The following DPRX variants were observed in gnomAD, a reference collection of about 807,000 sequenced individuals.
DPRX encodes divergent paired-related homeobox.
DPRX carries 11 observed loss-of-function variants against 8.4 expected under a neutral mutation model. The observed-to-expected ratio is 1.31, with a 90% confidence interval of 0.82 to 2.17. DPRX has a LOEUF of 2.17. Ranked by LOEUF, DPRX falls within the 30% of genes most tolerant of loss-of-function variation. The pLI, the probability that DPRX is intolerant of heterozygous loss-of-function variation, is 0.00. For missense variants in DPRX, 211 were observed against 236.7 expected, an observed-to-expected ratio of 0.89 and a Z score of 0.71; for synonymous variants, 72 against 87.0, an observed-to-expected ratio of 0.83 and a Z score of 0.96.
At chr19:53,624,064 C>A in the DPRX span, among the ~76,000 whole-genome samples, 2 of 147,902 alleles carry the variant, frequency 1.4e-5, no homozygotes, top group East Asian at 3.9e-4. Context: ...CATATTAATG[C>A]ACTGATTGTT....
At chr19:53,608,183 T>G in the DPRX span, 1 of 114,804 alleles carries the variant, frequency 8.7e-6, no homozygotes, top group Non-Finnish European at 1.8e-5. Context: ...AAAAAAAAAG[T>G]AAATAAATAA....
At chr19:53,632,257 G>A (rs2091095453) in intron 1 of DPRX, 123 bp downstream of exon 1, 2 of 1,208,516 alleles carry the variant, frequency 1.7e-6, no homozygotes, top group Non-Finnish European at 2.4e-6. Flanking sequence ...GGGTGGCAGG[G>A]ACTTCCCACA....
At chr19:53,626,225 A>G in the DPRX span, among the ~76,000 whole-genome samples, 1 of 151,916 alleles carries the variant, frequency 6.6e-6, no homozygotes, top group Admixed American at 6.6e-5. Flanking sequence ...GACGTGAGCC[A>G]CCGTGACTGG....
At chr19:53,627,929 G>A (rs1600567812), upstream of DPRX, among the ~76,000 whole-genome samples, 1 of 151,876 alleles carries the variant, frequency 6.6e-6, no homozygotes, top group African/African-American at 2.4e-5. Context: ...TTATTTAGGA[G>A]GCTGAGGCAG....
the DPRX span, among the ~76,000 whole-genome samples, chr19:53,621,533 C>T: frequency 5.9e-5 from 9 of 152,096 alleles, no homozygotes; most frequent in Admixed American, 3.9e-4. Flanking sequence ...TGGTGGCTCA[C>T]GTCTATAATC....
chr19:53,624,412 G>A, the DPRX span, among the ~76,000 whole-genome samples: 1 of 143,426 alleles, frequency 7.0e-6, no homozygotes, highest in East Asian at 2.2e-4. Flanking sequence ...TTTGTTTTTT[G>A]TTTTTTTTGA....
chr19:53,601,542 C>T, the DPRX span, among the ~76,000 whole-genome samples: 16 of 146,880 alleles, frequency 1.1e-4, no homozygotes, highest in East Asian at 1.8e-3. Flanking sequence ...AGTGCAGTGG[C>T]GCGATCTCAG....
chr19:53,630,726 T>G (rs1360535471), upstream of DPRX, among the ~76,000 whole-genome samples: 3 of 151,924 alleles, frequency 2.0e-5, no homozygotes, highest in Admixed American at 2.0e-4. Flanking sequence ...GAACTGAGAT[T>G]CAAATGGATG....
the DPRX span, among the ~76,000 whole-genome samples, chr19:53,602,415 A>G: frequency 1.0e-4 from 15 of 150,460 alleles, no homozygotes; most frequent in Non-Finnish European, 4.4e-5. Context: ...GATGGAGTGC[A>G]GTGGCACAAT....
At chr19:53,617,205 A>C in the DPRX span, 5 of 888,398 alleles carry the variant, frequency 5.6e-6, no homozygotes, top group Admixed American at 8.5e-5. Flanking sequence ...AGTTTTTTTC[A>C]CGGCTAGAGT....
At chr19:53,606,241 C>T in the DPRX span, 2 of 152,282 alleles carry the variant, frequency 1.3e-5, no homozygotes, top group South Asian at 2.1e-4. The surrounding 1 kb of genome is among the most constrained non-coding windows in gnomAD (Gnocchi z 4.8). Flanking sequence ...GACTAGAGCA[C>T]GCGAGGCGTG....
chr19:53,615,989 ACCCCTGTAAT>A, the DPRX span, among the ~76,000 whole-genome samples: 3 of 152,110 alleles, frequency 2.0e-5, no homozygotes, highest in East Asian at 5.8e-4. Flanking sequence ...GTGGTGGCTC[ACCCCTGTAAT>A]CCCAGCACTT....
At chr19:53,632,305 G>T (rs1483205328) in intron 1 of DPRX, among the ~76,000 whole-genome samples, 171 bp downstream of exon 1, 1 of 151,842 alleles carries the variant, frequency 6.6e-6, no homozygotes, top group Non-Finnish European at 1.5e-5. Context: ...GTTTTGTTTT[G>T]TTTTGTTTGT....
the DPRX span, among the ~76,000 whole-genome samples, chr19:53,621,699 C>T: frequency 3.3e-5 from 5 of 151,780 alleles, no homozygotes; most frequent in African/African-American, 4.8e-5. Context: ...GCAGGAGAAT[C>T]GGTTGAACCT....
chr19:53,612,117 C>T, the DPRX span, among the ~76,000 whole-genome samples: 2 of 151,884 alleles, frequency 1.3e-5, no homozygotes, highest in Non-Finnish European at 2.9e-5. Flanking sequence ...TGCAGTGGCT[C>T]ACGCCTGTAA....
chr19:53,605,226 A>C, the DPRX span, among the ~76,000 whole-genome samples: 4 of 152,068 alleles, frequency 2.6e-5, no homozygotes, highest in Non-Finnish European at 5.9e-5. Flanking sequence ...AACAACAACA[A>C]AAGTCAGATT....
At chr19:53,607,705 C>A in the DPRX span, among the ~76,000 whole-genome samples, 43 of 84,026 alleles carry the variant, frequency 5.1e-4, 1 homozygote, top group South Asian at 5.6e-3. Context: ...AAAAAAAAAA[C>A]CAAATTGGCC....
upstream of DPRX, among the ~76,000 whole-genome samples, chr19:53,630,458 G>A (rs1170831578): frequency 6.6e-6 from 1 of 151,864 alleles, no homozygotes. Flanking sequence ...AGGCTTAGGT[G>A]AGAGGCTCAC....
In DPRX at chr19:53,632,140, C is replaced by A. The variant is rs945045183; in HGVS notation, c.28+6C>A. 1 of 1,613,610 alleles carries A rather than the reference C, an allele frequency of 6.2e-7. No homozygotes were observed. The highest frequency in any genetic ancestry group is 1.3e-5 in the African/African-American group (1 of 74,788). ...CTCAGAGGATCTTCGTAAAGGTAAG[C>A]CAGAAAAAATGAGAACCGAAGCAAA... On this transcript the variant is annotated splice_donor_region_variant and intron_variant, in intron 1 of 2. Coordinates refer to ENST00000376650, the Ensembl canonical transcript of DPRX.
Sources: gnomAD v4.1 joint callset for allele counts (sites outside exome capture counted in the v4.1 genomes callset) on GRCh38, gnomAD v4.1.1 for gene constraint, Gnocchi (gnomAD v3.1) non-coding constraint, MANE v1.5 for transcripts, NCBI Gene and HGNC (gene_info 2026-07-23, HGNC 2026-07-21) for gene names.